KAZN: variants seen among roughly 807,000 people sequenced by gnomAD.
KAZN encodes kazrin, periplakin interacting protein.
Under a neutral mutation model 87.4 loss-of-function variants are expected in KAZN, and 40 were observed. The observed-to-expected ratio is 0.46, with a 90% CI of 0.36 to 0.60. The LOEUF (loss-of-function observed/expected upper bound fraction) is 0.60, where lower values mean the gene tolerates loss of function less well. Among genes scored for constraint, KAZN ranks in the 20% least tolerant of loss-of-function variants. The pLI is 0.00. For synonymous variants in KAZN, 466 were observed against 458.3 expected (o/e 1.02, Z -0.22); for missense variants, 898 against 1,073.9 (o/e 0.84, Z 2.29).
intron 13 of KAZN, chr1:15,111,809 C>T (rs1414688441): frequency 6.5e-6 from 1 of 153,766 alleles, no homozygotes; most frequent in Non-Finnish European, 1.4e-5. Context: ...AGCAAATGGG[C>T]ACTGCTGAGT....
At chr1:14,276,638 G>A (rs1464916905) in intron 2 of KAZN, among the ~76,000 whole-genome samples, 5 of 152,090 alleles carry the variant, frequency 3.3e-5, no homozygotes, top group Admixed American at 6.5e-5. Flanking sequence ...TTTCCTCTGT[G>A]TGTGTCTGTC....
chr1:14,417,125 G>C (rs1194484101), intron 2 of KAZN, among the ~76,000 whole-genome samples: 1 of 151,118 alleles, frequency 6.6e-6, no homozygotes, highest in Non-Finnish European at 1.5e-5. Context: ...CTGGGAGGGA[G>C]AGGTTGCAGT....
intron 1 of KAZN, among the ~76,000 whole-genome samples, chr1:14,669,001 A>G (rs549525703): frequency 6.6e-6 from 1 of 152,340 alleles, no homozygotes; most frequent in African/African-American, 2.4e-5. Context: ...ATGGCCTTGG[A>G]CAAAGGGGGA....
chr1:14,538,474 G>T (rs1408303266), intron 2 of KAZN, among the ~76,000 whole-genome samples: 1 of 152,186 alleles, frequency 6.6e-6, no homozygotes, highest in Non-Finnish European at 1.5e-5. Context: ...GACGCTGGCA[G>T]GTTTGGTGGC....
At chr1:14,036,291 T>C (rs1557797476) in intron 1 of KAZN, among the ~76,000 whole-genome samples, 1 of 152,066 alleles carries the variant, frequency 6.6e-6, no homozygotes. Flanking sequence ...AGACCTTTAT[T>C]GGGAGATGCT....
intron 2 of KAZN, among the ~76,000 whole-genome samples, chr1:14,237,405 GC>G (rs1648526659): frequency 1.3e-5 from 2 of 152,114 alleles, no homozygotes; most frequent in Admixed American, 1.3e-4. Context: ...TCAGACCTTG[GC>G]TTTCAATCAT....
At chr1:13,964,306 T>C (rs560421057) in intron 1 of KAZN, among the ~76,000 whole-genome samples, 1 of 152,322 alleles carries the variant, frequency 6.6e-6, no homozygotes, top group East Asian at 1.9e-4. Context: ...TAATAAGTGC[T>C]GTGGACAAAA....
At chr1:14,083,928 A>G (rs944088193) in intron 1 of KAZN, among the ~76,000 whole-genome samples, 3 of 152,248 alleles carry the variant, frequency 2.0e-5, no homozygotes, top group Non-Finnish European at 4.4e-5. Flanking sequence ...TCATTGTCCT[A>G]GGACCTGTGA....
intron 1 of KAZN, among the ~76,000 whole-genome samples, chr1:14,802,280 T>C: frequency 6.6e-6 from 1 of 151,948 alleles, no homozygotes; most frequent in African/African-American, 2.4e-5. Context: ...GGTTTGTGCC[T>C]GTAGTCCCAG....
chr1:14,106,993 C>CCTCCCTCCCTGT (rs1358404324), intron 1 of KAZN, among the ~76,000 whole-genome samples: 1 of 112,952 alleles, frequency 8.9e-6, no homozygotes, highest in Non-Finnish European at 1.9e-5. Flanking sequence ...TCCCTCCCTC[C>CCTCCCTCCCTGT]CTCCCTCCCT....
intron 1 of KAZN, among the ~76,000 whole-genome samples, chr1:14,863,658 C>A (rs1651121719): frequency 6.6e-6 from 1 of 152,172 alleles, no homozygotes; most frequent in African/African-American, 2.4e-5. Context: ...AAATACCATC[C>A]AAATCCCGTG....
At chr1:14,491,688 A>G (rs1669658990) in intron 2 of KAZN, among the ~76,000 whole-genome samples, 2 of 152,104 alleles carry the variant, frequency 1.3e-5, no homozygotes, top group African/African-American at 4.8e-5. Flanking sequence ...TTTAATAAGG[A>G]GTGGGTGTTG....
At chr1:14,946,773 A>C (rs932278373) in intron 1 of KAZN, among the ~76,000 whole-genome samples, 1 of 152,134 alleles carries the variant, frequency 6.6e-6, no homozygotes, top group African/African-American at 2.4e-5. Flanking sequence ...ACCCGAGTTG[A>C]AATCTGATAC....
At chr1:14,237,610 A>T (rs1026565495) in intron 2 of KAZN, among the ~76,000 whole-genome samples, 4 of 152,264 alleles carry the variant, frequency 2.6e-5, no homozygotes, top group African/African-American at 4.8e-5. Flanking sequence ...TGCTAGAGAA[A>T]ATCATTACAG....
chr1:14,579,704 A>G (rs1035351418), intron 2 of KAZN, among the ~76,000 whole-genome samples: 2 of 152,002 alleles, frequency 1.3e-5, no homozygotes, highest in African/African-American at 2.4e-5. Flanking sequence ...AAATTTTTTT[A>G]GCATGCCTTA....
At chr1:14,567,463 C>T (rs1031318437) in intron 2 of KAZN, among the ~76,000 whole-genome samples, 1 of 152,162 alleles carries the variant, frequency 6.6e-6, no homozygotes, top group Non-Finnish European at 1.5e-5. Context: ...AAAGTGAGCA[C>T]ATGCTGTTGG....
chr1:14,017,769 T>C (rs1640638096), intron 1 of KAZN, among the ~76,000 whole-genome samples: 1 of 152,222 alleles, frequency 6.6e-6, no homozygotes, highest in Admixed American at 6.5e-5. Context: ...AGACCGTGCG[T>C]TGGAATTCTG....
chr1:14,742,686 C>T (rs1372576800), intron 1 of KAZN, among the ~76,000 whole-genome samples: 2 of 152,202 alleles, frequency 1.3e-5, no homozygotes, highest in Non-Finnish European at 2.9e-5. Flanking sequence ...CTTTGAATCA[C>T]CCCATCTGGC....
chr1:14,920,856 TA>T (rs1658435913), intron 1 of KAZN, among the ~76,000 whole-genome samples: 1 of 152,132 alleles, frequency 6.6e-6, no homozygotes, highest in Non-Finnish European at 1.5e-5. Flanking sequence ...ATGGGTAGGT[TA>T]GTCCTTGACT....
Sources: gnomAD v4.1 joint callset for allele counts (sites outside exome capture counted in the v4.1 genomes callset) on GRCh38, gnomAD v4.1.1 for gene constraint, MANE v1.5 for transcripts, NCBI Gene and HGNC (gene_info 2026-07-23, HGNC 2026-07-21) for gene names.